Variants in TANC2 observed in about 807,000 individuals in gnomAD.
TANC2 encodes the protein protein TANC2.
In TANC2, 26 loss-of-function variants were observed where a neutral mutation model predicts 210.5. The ratio of observed to expected loss-of-function variants is 0.12; its 90% CI spans 0.09 to 0.17. TANC2 has a LOEUF of 0.17. TANC2 is among the 10% of genes least tolerant of loss of function. TANC2 has a pLI of 1.00. For synonymous variants in TANC2, 931 were observed against 967.1 expected (o/e 0.96, Z 0.69); for missense variants, 2,129 against 2,608.9 (o/e 0.82, Z 4.01).
chr17:63,246,243 C>CTTTTT (rs141334352), intron 8 of TANC2, among the ~76,000 whole-genome samples: 3 of 148,108 alleles, frequency 2.0e-5, no homozygotes, highest in Non-Finnish European at 3.0e-5. Flanking sequence ...CTGGCCAGAA[C>CTTTTT]TTTTTTTTTT....
intron 4 of TANC2, among the ~76,000 whole-genome samples, chr17:63,140,645 A>G (rs2039255078): frequency 6.6e-6 from 1 of 152,206 alleles, no homozygotes; most frequent in African/African-American, 2.4e-5. Flanking sequence ...GGCACTAGTA[A>G]TGCCCACTGC....
intron 4 of TANC2, among the ~76,000 whole-genome samples, chr17:63,119,393 C>T (rs1225374295): frequency 6.6e-6 from 1 of 152,162 alleles, no homozygotes; most frequent in African/African-American, 2.4e-5. Context: ...TCTGTTTATA[C>T]AAGTGCCTTT....
chr17:63,306,848 G>A (rs1002897248), intron 9 of TANC2, among the ~76,000 whole-genome samples: 2 of 152,114 alleles, frequency 1.3e-5, no homozygotes, highest in Non-Finnish European at 2.9e-5. Flanking sequence ...CAGCTACTTG[G>A]GAGGCTAAGG....
intron 8 of TANC2, among the ~76,000 whole-genome samples, chr17:63,260,620 A>G (rs1035442054): frequency 1.3e-5 from 2 of 152,052 alleles, no homozygotes; most frequent in East Asian, 1.9e-4. Context: ...CCCTGTCTCT[A>G]CAAAAAATTA....
intron 4 of TANC2, among the ~76,000 whole-genome samples, chr17:63,114,735 A>G (rs558059198): frequency 1.3e-5 from 2 of 152,204 alleles, no homozygotes; most frequent in Admixed American, 6.5e-5. Flanking sequence ...AAGACTGAAA[A>G]AAGAATAAAA....
chr17:63,361,316 A>T (rs144255298), intron 14 of TANC2, among the ~76,000 whole-genome samples: 2 of 152,284 alleles, frequency 1.3e-5, no homozygotes, highest in Non-Finnish European at 2.9e-5. Flanking sequence ...GGCTGCACTC[A>T]GCTCGTGCTA....
chr17:63,223,768 G>T (rs1343171380), intron 7 of TANC2, among the ~76,000 whole-genome samples: 3 of 151,968 alleles, frequency 2.0e-5, no homozygotes, highest in Non-Finnish European at 2.9e-5. Context: ...GCAAGCAGAG[G>T]TCATCTTCGT....
chr17:63,293,217 A>G (rs973422594), intron 9 of TANC2, among the ~76,000 whole-genome samples: 8 of 152,216 alleles, frequency 5.3e-5, no homozygotes, highest in Non-Finnish European at 1.0e-4. Flanking sequence ...CTAGAAACTC[A>G]GTAGAAAAAT....
chr17:63,419,205 G>A (rs1292326634), intron 27 of TANC2, among the ~76,000 whole-genome samples: 1 of 152,174 alleles, frequency 6.6e-6, no homozygotes, highest in Non-Finnish European at 1.5e-5. Flanking sequence ...CTTGAGGCTA[G>A]TGATGGTGGT....
intron 5 of TANC2, among the ~76,000 whole-genome samples, chr17:63,185,010 T>C (rs1395664171): frequency 6.7e-6 from 1 of 149,664 alleles, no homozygotes; most frequent in Non-Finnish European, 1.5e-5. Flanking sequence ...GGGGACAGAG[T>C]GTGAGACAGG....
chr17:63,163,651 T>G (rs2040105641), intron 5 of TANC2, among the ~76,000 whole-genome samples: 2 of 152,212 alleles, frequency 1.3e-5, no homozygotes, highest in Non-Finnish European at 2.9e-5. Flanking sequence ...TGTTTAATAT[T>G]TAATATTTGT....
chr17:63,089,706 T>C (rs2037109714), intron 3 of TANC2, among the ~76,000 whole-genome samples: 1 of 152,212 alleles, frequency 6.6e-6, no homozygotes, highest in South Asian at 2.1e-4. Context: ...ACATTAGGAA[T>C]AATTTAGGCC....
intron 2 of TANC2, among the ~76,000 whole-genome samples, chr17:63,037,898 G>A (rs187280794): frequency 1.3e-5 from 2 of 151,862 alleles, no homozygotes; most frequent in East Asian, 1.9e-4. Context: ...AGTTCTAATC[G>A]ATGTTTTTTG....
rs755941584 is a variant in TANC2 at position 63,314,689 on chromosome 17, G to A, written c.1441+20G>A. 3 of 1,606,780 alleles carry A rather than the reference G, an allele frequency of 1.9e-6. No individual in the cohort carries two copies. Among genetic ancestry groups the A allele is most frequent in the Admixed American group, 3.4e-5 (2 of 59,556 alleles). On this transcript the variant is annotated intron_variant, in intron 10 of 27. Transcript: ENST00000689528. ...CCAAACGTACGTATTCCTTTTTAAA[G>A]AACTCCCTGTTTCATTGGCGCTGAA...
exon 14 of TANC2, chr17:63,355,351 GAGA>G (rs1464182617): frequency 3.8e-6 from 6 of 1,597,270 alleles, no homozygotes; most frequent in East Asian, 2.2e-5. Context: ...CTTATCTGGA[GAGA>G]AGAAGGAGAG....
intron 4 of TANC2, chr17:63,148,184 C>G (rs2039526247): frequency 6.6e-6 from 1 of 152,180 alleles, no homozygotes. Context: ...AATTCCTGCA[C>G]TCTCAAATTC....
intron 7 of TANC2, among the ~76,000 whole-genome samples, chr17:63,232,378 C>T (rs2146011959): frequency 6.6e-6 from 1 of 152,358 alleles, no homozygotes; most frequent in South Asian, 2.1e-4. Context: ...GATTCTTTCT[C>T]ATCTTCGTGA....
chr17:63,072,650 G>A (rs1198680673), intron 2 of TANC2, among the ~76,000 whole-genome samples: 2 of 151,932 alleles, frequency 1.3e-5, no homozygotes, highest in Non-Finnish European at 2.9e-5. Flanking sequence ...CTAAATTAGT[G>A]GAGTGTTTTA....
intron 7 of TANC2, among the ~76,000 whole-genome samples, chr17:63,202,674 G>A (rs987130174): frequency 3.3e-5 from 5 of 152,072 alleles, no homozygotes; most frequent in African/African-American, 7.2e-5. Flanking sequence ...TTCCTCTATC[G>A]CTCTGGGCCC....
Sources: gnomAD v4.1 joint callset for allele counts (sites outside exome capture counted in the v4.1 genomes callset) on GRCh38, gnomAD v4.1.1 for gene constraint, MANE v1.5 for transcripts, NCBI Gene and HGNC (gene_info 2026-07-23, HGNC 2026-07-21) for gene names.